CUX1: variants seen among roughly 807,000 people sequenced by gnomAD.
The protein encoded by CUX1 is protein CASP.
CUX1 carries 31 observed loss-of-function variants against 158.8 expected under a neutral mutation model. The ratio of observed to expected loss-of-function variants is 0.20; its 90% CI spans 0.15 to 0.26. CUX1 has a LOEUF of 0.26. Ranked by LOEUF, CUX1 falls within the 10% of genes least tolerant of loss-of-function variation. The pLI, the probability that CUX1 is intolerant of heterozygous loss-of-function variation, is 1.00. For missense variants in CUX1, 1,589 were observed against 2,014.6 expected (o/e 0.79, Z 4.04); for synonymous variants, 879 against 862.1 (o/e 1.02, Z -0.34).
In CUX1 at chr7:102,040,206, C is replaced by G. The variant is rs533215310; in HGVS notation, c.189+12061C>G. Among the ~76,000 whole-genome samples the G allele has an allele frequency of 9.8e-5, 15 of 152,318 alleles. No homozygotes were observed. The East Asian group carries it at 2.9e-3, about 29-fold the overall frequency. ...CGCCAGGCACTGCGAGGGAGACACA[C>G]TGGGTCTTGGGGTAGAGCGGGAAGA... On this transcript the variant is annotated intron_variant, in intron 3 of 23. Coordinates refer to ENST00000292535, the MANE Select transcript of CUX1 (RefSeq NM_181552.4).
intron 3 of CUX1, among the ~76,000 whole-genome samples, chr7:102,049,534 G>A (rs1187444149): frequency 1.3e-5 from 2 of 152,056 alleles, no homozygotes; most frequent in African/African-American, 4.8e-5. Flanking sequence ...CTGTCTTCCA[G>A]CATAACAAGA....
In CUX1 at chr7:102,250,460, T is replaced by A. The variant is rs1412157303; in HGVS notation, c.*1418T>A. The A allele has an allele frequency of 8.1e-6, 8 of 985,298 alleles. No individual in the cohort carries two copies. The highest frequency in any genetic ancestry group is 9.6e-6 in the Non-Finnish European group (8 of 829,946). The allele number at this position is 985,298 out of a possible 1,614,324, so 61.0% of individuals were successfully genotyped here. The stretch of plus-strand genomic sequence containing the variant: ...CTGGGCAGGGCTTACACGCGCACTC[T>A]CTCTCTTCTTTCCCTTTTTCTTCCC... On this transcript the variant is annotated 3_prime_UTR_variant, in exon 24 of 24. Coordinates refer to ENST00000292535, the MANE Select transcript of CUX1 (RefSeq NM_181552.4).
At chr7:101,996,182 C>G (rs1815856106) in intron 2 of CUX1, among the ~76,000 whole-genome samples, 1 of 152,072 alleles carries the variant, frequency 6.6e-6, no homozygotes, top group Non-Finnish European at 1.5e-5. Context: ...ATCTGACCTT[C>G]TGGGAGAGAG....
At chr7:101,911,823 C>T (rs1402651069) in intron 1 of CUX1, among the ~76,000 whole-genome samples, 10 of 152,228 alleles carry the variant, frequency 6.6e-5, no homozygotes, top group Admixed American at 5.9e-4. Flanking sequence ...CCGGGCCACA[C>T]GGCTGCCAAG....
At chr7:102,117,682 G>A (rs910619501) in intron 8 of CUX1, among the ~76,000 whole-genome samples, 10 of 152,190 alleles carry the variant, frequency 6.6e-5, no homozygotes, top group African/African-American at 2.2e-4. Flanking sequence ...TCAGGGGAGC[G>A]CAGGGAAAGA....
chr7:102,268,141 G>C (rs1790943383), intron 14 of CUX1, among the ~76,000 whole-genome samples: 1 of 152,098 alleles, frequency 6.6e-6, no homozygotes, highest in Non-Finnish European at 1.5e-5. Flanking sequence ...CCCTTTCCCT[G>C]TCTTATGCTC....
chr7:102,046,435 G>A (rs1315481451), intron 3 of CUX1, among the ~76,000 whole-genome samples: 1 of 152,086 alleles, frequency 6.6e-6, no homozygotes, highest in Non-Finnish European at 1.5e-5. Flanking sequence ...GTTTCGTCAC[G>A]TTAGCCAGGC....
At chr7:101,894,717 A>G (rs186856707) in intron 1 of CUX1, among the ~76,000 whole-genome samples, 187 of 152,318 alleles carry the variant, frequency 1.2e-3, no homozygotes, top group African/African-American at 4.4e-3. Flanking sequence ...GCACGCTTCA[A>G]TTCTGGTCTT....
At chr7:101,843,049 G>A (rs1488015759) in intron 1 of CUX1, among the ~76,000 whole-genome samples, 1 of 151,448 alleles carries the variant, frequency 6.6e-6, no homozygotes, top group Non-Finnish European at 1.5e-5. Flanking sequence ...GTATTTTTTA[G>A]TACAGACGGA....
chr7:102,111,880 G>C, intron 7 of CUX1, 106 bp downstream of exon 7: 1 of 993,676 alleles, frequency 1.0e-6, no homozygotes. Context: ...TTGCTCTTCG[G>C]GGCCGTGGGA....
intron 10 of CUX1, among the ~76,000 whole-genome samples, chr7:102,176,961 T>TA (rs1393281022): frequency 6.6e-6 from 1 of 151,498 alleles, no homozygotes; most frequent in Non-Finnish European, 1.5e-5. Flanking sequence ...TTTTTTTTTT[T>TA]AATACCTTAG....
intron 1 of CUX1, among the ~76,000 whole-genome samples, chr7:101,860,742 TTC>T: frequency 8.8e-6 from 1 of 113,632 alleles, no homozygotes; most frequent in Non-Finnish European, 1.9e-5. Flanking sequence ...CCTCCCTTCC[TTC>T]CTTCCTTCCT....
chr7:102,166,716 G>C (rs1465580564), intron 9 of CUX1, among the ~76,000 whole-genome samples: 1 of 152,184 alleles, frequency 6.6e-6, no homozygotes, highest in Non-Finnish European at 1.5e-5. Context: ...CATTAGGCCT[G>C]TTTTTAGTTT....
At chr7:102,103,323 T>C (rs951577934) in intron 5 of CUX1, among the ~76,000 whole-genome samples, 2 of 152,194 alleles carry the variant, frequency 1.3e-5, no homozygotes, top group Admixed American at 6.5e-5. Context: ...ACATGTTTCT[T>C]GTCACTTGTG....
In CUX1 at chr7:102,282,974, C is replaced by T. The variant is rs201216352; in HGVS notation, c.1968-47C>T. On this transcript the variant is annotated intron_variant, in intron 22 of 22. Transcript: ENST00000292538. Reference sequence around the variant, plus strand: ...CCATCACATGGTACACACCCCCCTTCCCCAACACACACACTCGGCCTCAGC... The same window carrying T: ...CCATCACATGGTACACACCCCCCTTTCCCAACACACACACTCGGCCTCAGC... The T allele has an allele frequency of 2.0e-4, 298 of 1,455,052 alleles. No homozygotes were observed. In the African/African-American group the frequency reaches 3.7e-3, roughly 18 times the overall value. The allele number at this position is 1,455,052 out of a possible 1,614,324, so 90.1% of individuals were successfully genotyped here.
intron 3 of CUX1, among the ~76,000 whole-genome samples, chr7:102,044,668 C>T (rs1466274395): frequency 1.3e-5 from 2 of 152,040 alleles, no homozygotes; most frequent in Non-Finnish European, 2.9e-5. Flanking sequence ...GCTGAATTTC[C>T]CCCTGCTTCT....
intron 2 of CUX1, among the ~76,000 whole-genome samples, chr7:101,942,650 A>G (rs1273370635): frequency 6.6e-6 from 1 of 152,222 alleles, no homozygotes; most frequent in East Asian, 1.9e-4. Context: ...ATTTGTAGAG[A>G]CAGGGTTTCC....
intron 15 of CUX1, 39 bp from the exon 16 acceptor site, chr7:102,198,763 C>T: frequency 6.3e-7 from 1 of 1,577,408 alleles, no homozygotes; most frequent in Non-Finnish European, 8.7e-7. Flanking sequence ...CCACCATTCC[C>T]CTGATTGTTT....
chr7:102,096,293 A>G (rs937126593), intron 4 of CUX1, among the ~76,000 whole-genome samples: 1 of 152,170 alleles, frequency 6.6e-6, no homozygotes, highest in African/African-American at 2.4e-5. Flanking sequence ...TCTTCTGAAC[A>G]CCCTTCATTA....
Sources: gnomAD v4.1 joint callset for allele counts (sites outside exome capture counted in the v4.1 genomes callset) on GRCh38, gnomAD v4.1.1 for gene constraint, MANE v1.5 for transcripts, NCBI Gene and HGNC (gene_info 2026-07-23, HGNC 2026-07-21) for gene names.